ZBTB7A: variants seen among roughly 807,000 people sequenced by gnomAD.
ZBTB7A encodes the protein zinc finger and BTB domain containing 7A.
A neutral mutation model predicts 26.7 loss-of-function variants in ZBTB7A; 7 were observed. That is an observed-to-expected ratio of 0.26 (90% CI 0.15 to 0.49). The LOEUF is 0.49. Ranked by LOEUF, ZBTB7A falls within the 20% of genes least tolerant of loss-of-function variation. ZBTB7A has a pLI of 0.98. For synonymous variants in ZBTB7A, 452 were observed against 441.0 expected (o/e 1.02, Z -0.31); for missense variants, 617 against 919.5 (o/e 0.67, Z 4.25).
chr19:4,054,368 CG>C lies in ZBTB7A; in HGVS notation c.864del (p.Glu289SerfsTer35), dbSNP rs1420447163. On this transcript the variant is annotated frameshift_variant, in exon 2 of 3. Coordinates refer to ENST00000322357, the MANE Select transcript of ZBTB7A (RefSeq NM_015898.4). LOFTEE classifies it high-confidence loss of function. ...EEAASLSEAA[P>X]EPGDSPGFLS... The stretch of plus-strand genomic sequence containing the variant: ...AGGAAGCCCGGAGAGTCGCCCGGCT[CG>C]GGGGCCGCCTCCGACAGCGAGGCGG... 5 of 1,452,902 alleles carry C rather than the reference CG, an allele frequency of 3.4e-6. No homozygotes were observed. The highest frequency in any genetic ancestry group is 2.9e-5 in the Admixed American group (1 of 34,806). 90.0% of individuals were successfully genotyped at this position (1,452,902 alleles called of 1,614,324 possible).
intron 1 of ZBTB7A, among the ~76,000 whole-genome samples, chr19:4,058,089 G>A (rs1055092702): frequency 2.0e-5 from 3 of 152,166 alleles, no homozygotes; most frequent in Non-Finnish European, 2.9e-5. Context: ...TGAGGTCAAG[G>A]CCACCGTGGG....
In ZBTB7A at chr19:4,055,550, C is replaced by T. The variant is rs560494610; in HGVS notation, c.-15-303G>A. ...TCAAACCCCTGGCCTCGGCCTGGCG[C>T]GGTGGCTCACGCCTGTAATCCCAGC... On this transcript the variant is annotated intron_variant, in intron 1 of 2. Coordinates refer to ENST00000322357, the MANE Select transcript of ZBTB7A (RefSeq NM_015898.4). The T allele has an allele frequency of 4.1e-5, 36 of 880,162 alleles. No homozygotes were observed. In the African/African-American group the frequency reaches 4.4e-4, roughly 11 times the overall value. The allele number at this position is 880,162 out of a possible 1,614,324, so 54.5% of individuals were successfully genotyped here.
chr19:4,056,268 C>T (rs1467062824), intron 1 of ZBTB7A, among the ~76,000 whole-genome samples: 1 of 152,118 alleles, frequency 6.6e-6, no homozygotes, highest in Non-Finnish European at 1.5e-5. Context: ...GGTTTCCTGC[C>T]CCCCATCAGC....
At position 4,047,787 on chromosome 19, in the gene ZBTB7A, CGGCCCCGGG is replaced by C; in HGVS notation, c.1711_1719del (p.Pro571_Ala573del). 6.3e-7 allele frequency: 1 copy of C among 1,598,392 alleles called. No individual in the cohort carries two copies. The highest frequency in any genetic ancestry group is 8.5e-7 in the Non-Finnish European group (1 of 1,173,330). ...CCGGCTGTGAAGTTACCGTCGGTGG[CGGCCCCGGG>C]GCCACCTCCGCTGTCACCTCCTCCA... is the stretch of plus-strand genomic sequence containing the variant. On this transcript the variant is annotated inframe_deletion, in exon 3 of 3. Transcript: ENST00000322357.
At chr19:4,057,582 G>C (rs1444568114) in intron 1 of ZBTB7A, among the ~76,000 whole-genome samples, 1 of 151,838 alleles carries the variant, frequency 6.6e-6, no homozygotes, top group Non-Finnish European at 1.5e-5. Context: ...GAGGTCAAGA[G>C]ATTGAGACCA....
chr19:4,053,852 TATGTGTGCGTCTGCGTGC>T lies in ZBTB7A; in HGVS notation c.1262+101_1262+118del. ...GTACGTGTCTGTGTGCACGTGCGTG[TATGTGTGCGTCTGCGTGC>T]ATGTGTGCGTGCGGTGCAGGGAGAG... On this transcript the variant is annotated intron_variant, in intron 2 of 2. Transcript: ENST00000322357. 4.2e-6 allele frequency: 5 copies of T among 1,180,030 alleles called. No individual in the cohort carries two copies. In the South Asian group the frequency reaches 7.4e-5, roughly 17 times the overall value. 73.1% of individuals were successfully genotyped at this position (1,180,030 alleles called of 1,614,324 possible). A position where few individuals can be genotyped will look rare whatever the true frequency, so the allele number is the denominator to read the frequency against.
At position 4,047,473 on chromosome 19, in the gene ZBTB7A, C is replaced by A; in HGVS notation, c.*279G>T. 1 of 192,002 alleles carries A rather than the reference C, an allele frequency of 5.2e-6. No individual in the cohort carries two copies. The highest frequency in any genetic ancestry group is 2.3e-5 in the African/African-American group (1 of 42,686). 11.9% of individuals were successfully genotyped at this position (192,002 alleles called of 1,614,324 possible). ...TCCTACAAAAAACCCCAAACCAAGC[C>A]CCGAAACCCAGCGATGGGGTGGTGG... is the stretch of plus-strand genomic sequence containing the variant. On this transcript the variant is annotated 3_prime_UTR_variant, in exon 3 of 3. Coordinates refer to ENST00000322357, the MANE Select transcript of ZBTB7A (RefSeq NM_015898.4).
At chr19:4,053,827 G>A (rs528536365) in intron 2 of ZBTB7A, 144 bp downstream of exon 2, 1 of 915,710 alleles carries the variant, frequency 1.1e-6, no homozygotes, top group Non-Finnish European at 1.6e-6. Context: ...GTCTGTGCGT[G>A]TACGTGTCTG....
rs1481574996 is a variant in ZBTB7A, at chr19:4,047,844, G to A, written c.1663C>T (p.Arg555Trp). The change falls in exon 3 of 3, where the codon CGG (arginine) becomes TGG (tryptophan). Residue 555 changes from arginine to tryptophan, a missense_variant. Physicochemically the swap from Arg to Trp is moderately radical, Grantham distance 101. Transcript: ENST00000322357. ...EDVASPDGLG[R>W]LNVAGAGGGG... ...CCACCGGCGCCCGCTACATTCAACC[G>A]GCCCAAGCCGTCGGGGCTGGCCACG... is the stretch of plus-strand genomic sequence containing the variant. 2 of 1,605,098 alleles carry A rather than the reference G, an allele frequency of 1.2e-6. No individual in the cohort carries two copies. Among genetic ancestry groups the A allele is most frequent in the South Asian group, 2.2e-5 (2 of 90,206 alleles).
At chr19:4,063,008 A>C (rs911623249) in intron 1 of ZBTB7A, among the ~76,000 whole-genome samples, 2 of 147,914 alleles carry the variant, frequency 1.4e-5, no homozygotes, top group African/African-American at 4.9e-5. Context: ...ACCCCCACCC[A>C]AGGCTCACCC....
chr19:4,049,211 T>TATATA (rs1265213875), intron 2 of ZBTB7A, among the ~76,000 whole-genome samples: 2,651 of 42,648 alleles, frequency 0.062, 605 homozygotes, highest in East Asian at 0.15. Flanking sequence ...TATATATATG[T>TATATA]AAGTTTGAGA....
At position 4,046,224 on chromosome 19, in the gene ZBTB7A, C is replaced by T. The variant is rs1599244521; in HGVS notation, c.*1528G>A. ...CCCACAGTCCTGCCTTCGAGGCTGACGTCTGGGGGTGAAGCACAAACACCT... is the reference window on the plus strand; with the variant it reads ...CCCACAGTCCTGCCTTCGAGGCTGATGTCTGGGGGTGAAGCACAAACACCT... On this transcript the variant is annotated 3_prime_UTR_variant, in exon 3 of 3. Transcript: ENST00000322357. 1 of 396,052 alleles carries T rather than the reference C, an allele frequency of 2.5e-6. No individual in the cohort carries two copies. Among genetic ancestry groups the T allele is most frequent in the East Asian group, 3.6e-5 (1 of 27,912 alleles). 24.5% of individuals were successfully genotyped at this position (396,052 alleles called of 1,614,324 possible).
chr19:4,048,023 G>C lies in ZBTB7A; in HGVS notation c.1484C>G (p.Ser495Trp), dbSNP rs751149158. 1.3e-6 allele frequency: 2 copies of C among 1,500,018 alleles called. No individual in the cohort carries two copies. Among genetic ancestry groups the C allele is most frequent in the Non-Finnish European group, 1.8e-6 (2 of 1,121,260 alleles). The allele number at this position is 1,500,018 out of a possible 1,614,324, so 92.9% of individuals were successfully genotyped here. ...GACGCGGGGCTTGCGGCCGCGGCGCGAGGGGACGCCGTTGCAGCCGTCTTT... is the reference window on the plus strand; with the variant it reads ...GACGCGGGGCTTGCGGCCGCGGCGCCAGGGGACGCCGTTGCAGCCGTCTTT... ...LKKDGCNGVP[S>W]RRGRKPRVRG... Residue 495 changes from serine (S) to tryptophan (W), a missense_variant, in exon 3 of 3, where the codon TCG becomes TGG. Ser to Trp is a radical substitution (Grantham distance 177). Coordinates refer to ENST00000322357, the MANE Select transcript of ZBTB7A (RefSeq NM_015898.4). This position sits in a 1 kb window ranked among gnomAD's most constrained non-coding sequence, Gnocchi z 6.7.
In ZBTB7A at chr19:4,052,949, G is replaced by A. The variant is rs1488515128; in HGVS notation, c.1262+1022C>T. On this transcript the variant is annotated intron_variant, in intron 2 of 2. Transcript: ENST00000322357. The surrounding 1 kb of genome is among the most constrained non-coding windows in gnomAD (Gnocchi z 4.9). ...GGTTCCGGCAAGGCCTGTCCCCGGC[G>A]CCTAGAACAGGCCTGGCACCAGCAG... Among the ~76,000 whole-genome samples the A allele has an allele frequency of 6.6e-6, 1 of 152,158 alleles. No homozygotes were observed. Among genetic ancestry groups the A allele is most frequent in the African/African-American group, 2.4e-5 (1 of 41,424 alleles).
In ZBTB7A at chr19:4,048,133, G is replaced by A. The variant is rs937626503; in HGVS notation, c.1374C>T (p.Arg458=). ...GGTAGGGGCGCAGGCCCGTGTGCAC[G>A]CGCATGTGGTTCTTCAGGTCGTAGT... ...AHNYDLKNHM[R]VHTGLRPYQC... Residue 458 remains arginine, a synonymous_variant, in exon 3 of 3, where the codon CGC becomes CGT. Coordinates refer to ENST00000322357, the MANE Select transcript of ZBTB7A (RefSeq NM_015898.4). The surrounding 1 kb of genome is among the most constrained non-coding windows in gnomAD (Gnocchi z 6.7). 1.2e-6 allele frequency: 2 copies of A among 1,610,182 alleles called. No homozygotes were observed. Among genetic ancestry groups the A allele is most frequent in the East Asian group, 2.2e-5 (1 of 44,644 alleles).
Position 4,054,688 on chromosome 19 carries a change from C to G in ZBTB7A, c.545G>C (p.Ser182Thr). 1 of 1,591,782 alleles carries G rather than the reference C, an allele frequency of 6.3e-7. No homozygotes were observed. The highest frequency in any genetic ancestry group is 1.3e-5 in the African/African-American group (1 of 74,568). The part of the protein sequence containing the change: ...LPPAAAAAAA[S>T]FPWSAFGASD... ...CGCCCCAAAGGCGGACCACGGGAAGCTGGCAGCGGCGGCGGCGGCCGCGGG... is the reference window on the plus strand; with the variant it reads ...CGCCCCAAAGGCGGACCACGGGAAGGTGGCAGCGGCGGCGGCGGCCGCGGG... Residue 182 changes from serine to threonine, a missense_variant, in exon 2 of 3, where the codon AGC becomes ACC. By Grantham distance (58) the Ser-to-Thr change is moderately conservative. Coordinates refer to ENST00000322357, the MANE Select transcript of ZBTB7A (RefSeq NM_015898.4).
intron 1 of ZBTB7A, among the ~76,000 whole-genome samples, chr19:4,063,919 T>C (rs563402111): frequency 2.0e-5 from 3 of 152,308 alleles, no homozygotes; most frequent in Admixed American, 6.5e-5. Context: ...CTCCCGGCCT[T>C]GGTTTCCTCC....
At chr19:4,057,688 G>A (rs1166074741) in intron 1 of ZBTB7A, among the ~76,000 whole-genome samples, 1 of 151,490 alleles carries the variant, frequency 6.6e-6, no homozygotes, top group African/African-American at 2.4e-5. Context: ...GGCTGAGGCA[G>A]GAGAATCACT....
chr19:4,061,342 C>G (rs991976089), intron 1 of ZBTB7A, among the ~76,000 whole-genome samples: 11 of 152,108 alleles, frequency 7.2e-5, no homozygotes, highest in Admixed American at 2.6e-4. Flanking sequence ...TGTGCAGGTG[C>G]GGCTGCCAGG....
Sources: gnomAD v4.1 joint callset for allele counts (sites outside exome capture counted in the v4.1 genomes callset) on GRCh38, gnomAD v4.1.1 for gene constraint, Gnocchi (gnomAD v3.1) non-coding constraint, MANE v1.5 for transcripts, NCBI Gene and HGNC (gene_info 2026-07-23, HGNC 2026-07-21) for gene names.